KALRN: variants seen among roughly 807,000 people sequenced by gnomAD.
KALRN encodes the protein kalirin.
A neutral mutation model predicts 353.7 loss-of-function variants in KALRN; 70 were observed. That is an observed-to-expected ratio of 0.20 (90% CI 0.16 to 0.24). KALRN has a LOEUF of 0.24. Ranked by LOEUF, KALRN falls within the 10% of genes least tolerant of loss-of-function variation. KALRN has a pLI of 1.00. For missense variants in KALRN, 2,791 were observed against 3,756.7 expected, an observed-to-expected ratio of 0.74 and a Z score of 6.72; for synonymous variants, 1,391 against 1,434.8, an observed-to-expected ratio of 0.97 and a Z score of 0.69.
intron 1 of KALRN, among the ~76,000 whole-genome samples, chr3:124,056,809 A>AT (rs1261893980): frequency 1.3e-5 from 2 of 152,178 alleles, no homozygotes; most frequent in African/African-American, 2.4e-5. Flanking sequence ...TCCTTAGTTT[A>AT]TTTTTTGTAG....
intron 1 of KALRN, among the ~76,000 whole-genome samples, chr3:124,179,028 G>A (rs1343726408): frequency 2.6e-5 from 4 of 152,074 alleles, no homozygotes; most frequent in Admixed American, 6.5e-5. Flanking sequence ...GATTGCTTGA[G>A]CCCAGGAGTT....
At chr3:124,681,569 G>A (rs1013675721) in intron 51 of KALRN, among the ~76,000 whole-genome samples, 5 of 150,592 alleles carry the variant, frequency 3.3e-5, no homozygotes, top group East Asian at 2.0e-4. Context: ...AATATCCCCA[G>A]TATGTGTGGA....
intron 1 of KALRN, among the ~76,000 whole-genome samples, chr3:124,143,172 A>G (rs4677916): frequency 0.28 from 42,638 of 152,050 alleles, 6,500 homozygotes; most frequent in East Asian, 0.47. Context: ...GGGATTATCC[A>G]TAATTCACCT....
chr3:124,586,302 C>G (rs556734107), intron 34 of KALRN, among the ~76,000 whole-genome samples: 2 of 152,278 alleles, frequency 1.3e-5, no homozygotes, highest in East Asian at 1.9e-4. Flanking sequence ...CGAAGGCTGC[C>G]CTGCTTTCCC....
chr3:124,434,757 G>A (rs1026555871), intron 17 of KALRN, among the ~76,000 whole-genome samples: 1 of 152,204 alleles, frequency 6.6e-6, no homozygotes, highest in Non-Finnish European at 1.5e-5. Flanking sequence ...AGATCTATAG[G>A]GAGGTGTTGA....
At chr3:124,299,149 C>T (rs12695436) in intron 6 of KALRN, among the ~76,000 whole-genome samples, 30,066 of 152,168 alleles carry the variant, frequency 0.2, 3,063 homozygotes, top group South Asian at 0.29. Context: ...TCCCGGGTTG[C>T]AGGAGGCATT....
chr3:124,651,922 T>C (rs2083461081), intron 38 of KALRN, among the ~76,000 whole-genome samples: 1 of 152,118 alleles, frequency 6.6e-6, no homozygotes, highest in African/African-American at 2.4e-5. Context: ...ACAGGCAGGA[T>C]CCACTGCACT....
intron 33 of KALRN, among the ~76,000 whole-genome samples, chr3:124,533,662 A>C (rs1230528367): frequency 6.6e-6 from 1 of 152,094 alleles, no homozygotes; most frequent in African/African-American, 2.4e-5. Flanking sequence ...AAAACCAAAA[A>C]CAAATAAAGA....
intron 51 of KALRN, among the ~76,000 whole-genome samples, chr3:124,683,890 T>C (rs1162112299): frequency 6.6e-6 from 1 of 152,202 alleles, no homozygotes; most frequent in Non-Finnish European, 1.5e-5. Flanking sequence ...GAATCACACT[T>C]TCAGAATAAA....
At chr3:124,618,804 G>A (rs1210613029) in intron 34 of KALRN, among the ~76,000 whole-genome samples, 4 of 152,164 alleles carry the variant, frequency 2.6e-5, no homozygotes, top group Non-Finnish European at 5.9e-5. Context: ...TCGGAAATTG[G>A]TAGGTGCCTT....
intron 34 of KALRN, among the ~76,000 whole-genome samples, chr3:124,611,708 G>C (rs1243410178): frequency 1.3e-5 from 2 of 152,216 alleles, no homozygotes; most frequent in East Asian, 3.9e-4. Flanking sequence ...ATAAAGTCCA[G>C]CTTCCTGCTG....
At chr3:124,081,266 A>C (rs1475360176) in intron 1 of KALRN, among the ~76,000 whole-genome samples, 1 of 152,164 alleles carries the variant, frequency 6.6e-6, no homozygotes, top group Non-Finnish European at 1.5e-5. Flanking sequence ...GTGTTTATGT[A>C]CCTCCATGCA....
intron 7 of KALRN, among the ~76,000 whole-genome samples, chr3:124,328,808 GA>G (rs2149423274): frequency 6.6e-6 from 1 of 152,346 alleles, no homozygotes; most frequent in African/African-American, 2.4e-5. Flanking sequence ...GTTTGGATCA[GA>G]AGCGATTTTA....
intron 7 of KALRN, among the ~76,000 whole-genome samples, chr3:124,329,430 T>G (rs2080272397): frequency 6.6e-6 from 1 of 152,188 alleles, no homozygotes; most frequent in Non-Finnish European, 1.5e-5. Flanking sequence ...CACAACTGGA[T>G]GTACATACTG....
At chr3:124,429,764 G>A (rs894146075) in intron 15 of KALRN, among the ~76,000 whole-genome samples, 1 of 152,146 alleles carries the variant, frequency 6.6e-6, no homozygotes, top group African/African-American at 2.4e-5. Context: ...CATAGAAGTT[G>A]TATTCAGCCT....
chr3:124,182,317 A>G (rs1221965653), intron 1 of KALRN, among the ~76,000 whole-genome samples: 3 of 152,226 alleles, frequency 2.0e-5, no homozygotes, highest in Admixed American at 2.0e-4. Flanking sequence ...GGAGGCTGCA[A>G]TCAAGATATC....
chr3:124,251,377 T>TGC (rs1401525611), intron 3 of KALRN, among the ~76,000 whole-genome samples: 1 of 117,580 alleles, frequency 8.5e-6, no homozygotes, highest in Non-Finnish European at 1.9e-5. Context: ...TTTTCTTTTT[T>TGC]TCTTTTTTTT....
rs112066875 is a variant in KALRN, at chr3:124,142,168, C to T, written c.74-85822C>T. 4.8e-3 allele frequency among the ~76,000 whole-genome samples: 730 copies of T among 152,310 alleles called. 8 individuals are homozygous for T. Among genetic ancestry groups the T allele is most frequent in the African/African-American group, 0.017 (692 of 41,568 alleles). On this transcript the variant is annotated intron_variant, in intron 1 of 59. Coordinates refer to ENST00000682506, the MANE Select transcript of KALRN (RefSeq NM_001388419.1). ...TGAGATCCTGTGGCATGTACAGTGT[C>T]AGAGACATAGGGCTAAGCTTTGTTT... is the stretch of plus-strand genomic sequence containing the variant.
At chr3:124,549,320 AACACAC>A (rs10542227) in intron 33 of KALRN, among the ~76,000 whole-genome samples, 44 of 146,022 alleles carry the variant, frequency 3.0e-4, no homozygotes, top group South Asian at 1.8e-3. Flanking sequence ...CCAAGAAGCC[AACACAC>A]ACACACACAC....
Sources: gnomAD v4.1 joint callset for allele counts (sites outside exome capture counted in the v4.1 genomes callset) on GRCh38, gnomAD v4.1.1 for gene constraint, MANE v1.5 for transcripts, NCBI Gene and HGNC (gene_info 2026-07-23, HGNC 2026-07-21) for gene names.